Variants in SLC17A1 observed in about 807,000 individuals in gnomAD.
SLC17A1 encodes the protein sodium-dependent phosphate transport protein 1.
A neutral mutation model predicts 53.5 loss-of-function variants in SLC17A1; 51 were observed. The ratio of observed to expected loss-of-function variants is 0.95; its 90% CI spans 0.76 to 1.20. The LOEUF is 1.20. Among genes scored for constraint, SLC17A1 ranks in the 50% most tolerant of loss-of-function variants. The pLI, the probability that SLC17A1 is intolerant of heterozygous loss-of-function variation, is 0.00. For missense variants in SLC17A1, 538 were observed against 568.2 expected (o/e 0.95, Z 0.54); for synonymous variants, 179 against 198.8 (o/e 0.90, Z 0.84).
the SLC17A1 span, chr6:25,727,110 G>C: frequency 1.2e-6 from 2 of 1,614,178 alleles, no homozygotes; most frequent in East Asian, 2.2e-5. Context: ...GAATTCCTTC[G>C]TCACTGATAT....
At chr6:25,828,096 C>G (rs1370842876) in intron 2 of SLC17A1, among the ~76,000 whole-genome samples, 2 of 152,136 alleles carry the variant, frequency 1.3e-5, no homozygotes, top group African/African-American at 4.8e-5. Context: ...GCCCCTAACA[C>G]TTTTACCACG....
At chr6:25,775,905 A>G in the SLC17A1 span, among the ~76,000 whole-genome samples, 1 of 152,188 alleles carries the variant, frequency 6.6e-6, no homozygotes, top group African/African-American at 2.4e-5. Flanking sequence ...ATATCAGTAC[A>G]TGAGAACCTT....
the SLC17A1 span, chr6:25,773,205 A>T: frequency 8.3e-7 from 1 of 1,204,066 alleles, no homozygotes; most frequent in Non-Finnish European, 1.2e-6. Flanking sequence ...CAACCACAGG[A>T]ATCATCTTAG....
chr6:25,773,529 G>A, the SLC17A1 span: 1 of 1,613,866 alleles, frequency 6.2e-7, no homozygotes, highest in Non-Finnish European at 8.5e-7. Context: ...TCACCAGGCT[G>A]GTCTCTTCCC....
At chr6:25,754,255 C>G in the SLC17A1 span, among the ~76,000 whole-genome samples, 1 of 152,156 alleles carries the variant, frequency 6.6e-6, no homozygotes, top group Non-Finnish European at 1.5e-5. Flanking sequence ...AGTTAATTTT[C>G]ATGGAAAACT....
the SLC17A1 span, among the ~76,000 whole-genome samples, chr6:25,734,946 C>T: frequency 6.6e-6 from 1 of 152,132 alleles, no homozygotes; most frequent in African/African-American, 2.4e-5. Context: ...GGCAATGCCC[C>T]ACAATTAACT....
the SLC17A1 span, among the ~76,000 whole-genome samples, chr6:25,754,400 G>A: frequency 5.3e-5 from 8 of 152,088 alleles, no homozygotes; most frequent in Admixed American, 2.6e-4. Flanking sequence ...GGACTCAAAA[G>A]GGGCAAAATA....
the SLC17A1 span, chr6:25,726,973 A>G: frequency 6.2e-7 from 1 of 1,614,220 alleles, no homozygotes; most frequent in Non-Finnish European, 8.5e-7. Flanking sequence ...GCTGTCGTTA[A>G]GACCCAGAAA....
At chr6:25,738,167 C>G in the SLC17A1 span, among the ~76,000 whole-genome samples, 1 of 152,016 alleles carries the variant, frequency 6.6e-6, no homozygotes, top group African/African-American at 2.4e-5. Flanking sequence ...ATAACTGTAA[C>G]CAAATTCAGG....
At chr6:25,812,679 TAGAA>T in intron 8 of SLC17A1, 148 bp downstream of exon 8, 3 of 610,236 alleles carry the variant, frequency 4.9e-6, no homozygotes, top group Non-Finnish European at 8.5e-6. Context: ...GCAATGTTCA[TAGAA>T]AGAGCAGAAA....
At chr6:25,788,663 A>G (rs1263492950) in intron 12 of SLC17A1, among the ~76,000 whole-genome samples, 1 of 14,872 alleles carries the variant, frequency 6.7e-5, no homozygotes, top group African/African-American at 9.2e-5. Context: ...TGTCCAAGAG[A>G]TGAGGAAGGT....
intron 10 of SLC17A1, 139 bp downstream of exon 10, chr6:25,811,259 G>T: frequency 2.4e-6 from 2 of 843,688 alleles, no homozygotes; most frequent in Non-Finnish European, 1.9e-6. Flanking sequence ...CTAAGTGTGT[G>T]AGGTAATGCA....
Position 25,812,916 on chromosome 6 carries a change from CT to C in SLC17A1, c.811del (p.Ser271ValfsTer11). The C allele has an allele frequency of 6.2e-7, 1 of 1,613,740 alleles. No individual in the cohort carries two copies. The highest frequency in any genetic ancestry group is 8.5e-7 in the Non-Finnish European group (1 of 1,179,654). On this transcript the variant is annotated frameshift_variant, in exon 8 of 13. Coordinates refer to ENST00000244527, the MANE Select transcript of SLC17A1 (RefSeq NM_005074.5). LOFTEE classifies it high-confidence loss of function. ...GTTATGTGACCAGAAAAACGTAAAA[CT>C]ACCAGTGGAAATAGCCCAGACTGGA... ...SLPVWAISTG[S>X]FTFFWSHNIM...
At chr6:25,745,569 G>T in the SLC17A1 span, among the ~76,000 whole-genome samples, 1 of 152,138 alleles carries the variant, frequency 6.6e-6, no homozygotes, top group Non-Finnish European at 1.5e-5. Context: ...CCAGATCATG[G>T]CAAGAACACC....
At chr6:25,726,149 T>C in the SLC17A1 span, 2 of 1,550,062 alleles carry the variant, frequency 1.3e-6, no homozygotes, top group Non-Finnish European at 1.7e-6. Context: ...CTTTGGGCTT[T>C]ATGGTGGTGA....
At chr6:25,765,626 A>G in the SLC17A1 span, among the ~76,000 whole-genome samples, 2 of 152,250 alleles carry the variant, frequency 1.3e-5, no homozygotes, top group South Asian at 2.1e-4. Flanking sequence ...GTCCCAATAT[A>G]GATGAGAAAG....
chr6:25,727,680 A>C, the SLC17A1 span, among the ~76,000 whole-genome samples: 1 of 151,920 alleles, frequency 6.6e-6, no homozygotes, highest in Admixed American at 6.6e-5. Flanking sequence ...AGCCACTGCG[A>C]ATATATCCAA....
chr6:25,743,793 A>G, the SLC17A1 span, among the ~76,000 whole-genome samples: 35 of 152,364 alleles, frequency 2.3e-4, no homozygotes, highest in African/African-American at 8.4e-4. Context: ...TATGTGTAAT[A>G]AAATGGATAA....
rs371028977 is a variant in SLC17A1 at position 25,826,558 on chromosome 6, C to T, written c.110G>A (p.Arg37His). 2.8e-5 allele frequency: 45 copies of T among 1,612,200 alleles called. No homozygotes were observed. Among genetic ancestry groups the T allele is most frequent in the African/African-American group, 1.7e-4 (13 of 74,782 alleles). ...HCCNVIITAQ[R>H]ACLNLTMVVM... is the part of the protein sequence containing the mutation. ...TACCATTGTGAGGTTCAGGCACGCA[C>T]GCTGTGCTGTTATTATAACATTACA... The change falls in exon 3 of 13, where the codon CGT becomes CAT. Residue 37 changes from arginine to histidine, a missense_variant. Transcript: ENST00000244527.
Sources: allele counts gnomAD v4.1 joint callset (sites outside exome capture counted in the v4.1 genomes callset), GRCh38; gene constraint gnomAD v4.1.1; transcripts MANE v1.5; gene names NCBI Gene and HGNC (gene_info 2026-07-23, HGNC 2026-07-21).